TBCA: variants seen among roughly 807,000 people sequenced by gnomAD.
TBCA encodes the protein tubulin folding cofactor A, also known as tubulin-specific chaperone A.
In TBCA, 6 loss-of-function variants were observed where a neutral mutation model predicts 15.8. The observed-to-expected ratio is 0.38, with a 90% CI of 0.21 to 0.75. The LOEUF is 0.75. TBCA is among the 30% of genes least tolerant of loss of function. The pLI, the probability that TBCA is intolerant of heterozygous loss-of-function variation, is 0.46. For synonymous variants in TBCA, 32 were observed against 42.3 expected (o/e 0.76, Z 0.94); for missense variants, 90 against 131.2 (o/e 0.69, Z 1.53).
At chr5:77,752,635 T>C (rs1747376251) in intron 1 of TBCA, among the ~76,000 whole-genome samples, 1 of 79,658 alleles carries the variant, frequency 1.3e-5, no homozygotes. Context: ...CTCGGCTCAC[T>C]GCAAGCTCCG....
chr5:77,754,342 C>A (rs970753292), intron 1 of TBCA, among the ~76,000 whole-genome samples: 4 of 152,106 alleles, frequency 2.6e-5, no homozygotes, highest in African/African-American at 9.7e-5. Flanking sequence ...TTTAAATAAG[C>A]TTTGAATTAG....
chr5:77,754,430 C>A (rs13160313), intron 1 of TBCA, among the ~76,000 whole-genome samples: 12,181 of 152,084 alleles, frequency 0.08, 642 homozygotes, highest in Middle Eastern at 0.12. Context: ...TGAAAAATAT[C>A]CAGACATTTA....
intron 1 of TBCA, among the ~76,000 whole-genome samples, chr5:77,742,013 C>T (rs1004071154): frequency 9.9e-5 from 15 of 152,182 alleles, no homozygotes; most frequent in African/African-American, 3.4e-4. Flanking sequence ...TATGTTTTAT[C>T]ACTCTTAAGG....
At chr5:77,744,054 T>C (rs1747110633) in intron 1 of TBCA, among the ~76,000 whole-genome samples, 1 of 152,086 alleles carries the variant, frequency 6.6e-6, no homozygotes, top group South Asian at 2.1e-4. Context: ...ACTTCCCAAC[T>C]CCACGGACCC....
intron 1 of TBCA, among the ~76,000 whole-genome samples, chr5:77,709,834 A>G (rs776151641): frequency 1.3e-4 from 20 of 152,232 alleles, no homozygotes; most frequent in Non-Finnish European, 2.9e-4. Context: ...AATAAAAAAC[A>G]TAAAGTGCTG....
intron 1 of TBCA, among the ~76,000 whole-genome samples, chr5:77,711,978 A>C (rs965211747): frequency 6.6e-6 from 1 of 152,208 alleles, no homozygotes; most frequent in African/African-American, 2.4e-5. Flanking sequence ...AAAAGAAAAA[A>C]AAAAAATCAG....
intron 1 of TBCA, among the ~76,000 whole-genome samples, chr5:77,758,516 G>A (rs569841394): frequency 1.3e-5 from 2 of 152,290 alleles, no homozygotes; most frequent in African/African-American, 4.8e-5. Flanking sequence ...CGGAGAGCTC[G>A]GATTTTAAGA....
At chr5:77,743,322 G>C (rs1280768650) in intron 1 of TBCA, among the ~76,000 whole-genome samples, 1 of 152,200 alleles carries the variant, frequency 6.6e-6, no homozygotes, top group African/African-American at 2.4e-5. Flanking sequence ...TAATCTGTAT[G>C]TTAGCCAGTC....
chr5:77,747,992 A>G (rs1747228779), intron 1 of TBCA, among the ~76,000 whole-genome samples: 1 of 152,222 alleles, frequency 6.6e-6, no homozygotes, highest in Admixed American at 6.5e-5. Flanking sequence ...CTCAGAAACT[A>G]AAGCAATTCA....
At chr5:77,759,978 GCAAT>G (rs1747570180) in intron 1 of TBCA, among the ~76,000 whole-genome samples, 1 of 152,164 alleles carries the variant, frequency 6.6e-6, no homozygotes, top group Non-Finnish European at 1.5e-5. Context: ...TAGAACAGAA[GCAAT>G]GTCAGAGTTT....
intron 1 of TBCA, among the ~76,000 whole-genome samples, chr5:77,751,134 C>T (rs71632940): frequency 0.11 from 15,924 of 148,650 alleles, 932 homozygotes; most frequent in Middle Eastern, 0.13. Context: ...GTTCCCATTA[C>T]GGCCTGACCA....
intron 1 of TBCA, among the ~76,000 whole-genome samples, chr5:77,748,907 T>C (rs534306665): frequency 3.3e-4 from 50 of 152,326 alleles, no homozygotes; most frequent in African/African-American, 8.9e-4. Flanking sequence ...ATTTACAGTA[T>C]TGTACTGTGT....
intron 1 of TBCA, among the ~76,000 whole-genome samples, chr5:77,773,657 G>A (rs1410609662): frequency 6.6e-6 from 1 of 152,128 alleles, no homozygotes; most frequent in Non-Finnish European, 1.5e-5. Context: ...TTATTGCCTT[G>A]GCAATAAAGC....
At chr5:77,703,413 A>G (rs352557) in intron 2 of TBCA, among the ~76,000 whole-genome samples, 57,825 of 152,026 alleles carry the variant, frequency 0.38, 11,035 homozygotes, top group South Asian at 0.41. Flanking sequence ...GGAGAAGAAG[A>G]GAGATATCAG....
At chr5:77,772,241 G>A (rs1309088791) in intron 1 of TBCA, among the ~76,000 whole-genome samples, 1 of 152,086 alleles carries the variant, frequency 6.6e-6, no homozygotes, top group African/African-American at 2.4e-5. Flanking sequence ...CTTATGTACA[G>A]AAAAATATAA....
intron 1 of TBCA, among the ~76,000 whole-genome samples, chr5:77,712,424 C>T (rs1452575605): frequency 6.6e-6 from 1 of 152,064 alleles, no homozygotes; most frequent in Non-Finnish European, 1.5e-5. Flanking sequence ...TTTGTTGAAT[C>T]AACAAATTAG....
intron 1 of TBCA, among the ~76,000 whole-genome samples, chr5:77,771,871 A>G (rs564241309): frequency 6.6e-6 from 1 of 152,344 alleles, no homozygotes; most frequent in East Asian, 1.9e-4. Flanking sequence ...CTCTAGGACA[A>G]ATACCTAGAA....
intron 1 of TBCA, among the ~76,000 whole-genome samples, chr5:77,772,206 C>A (rs71632942): frequency 0.08 from 12,169 of 151,962 alleles, 640 homozygotes; most frequent in Middle Eastern, 0.12. Context: ...TCTTTTAGAC[C>A]CTTTTTATCA....
chr5:77,740,947 A>C (rs1747017339), intron 1 of TBCA, among the ~76,000 whole-genome samples: 3 of 152,210 alleles, frequency 2.0e-5, no homozygotes, highest in African/African-American at 7.2e-5. Context: ...AATAACAGAG[A>C]AAAGAGTCAA....
Sources: gnomAD v4.1 joint callset for allele counts (sites outside exome capture counted in the v4.1 genomes callset) on GRCh38, gnomAD v4.1.1 for gene constraint, MANE v1.5 for transcripts, NCBI Gene and HGNC (gene_info 2026-07-23, HGNC 2026-07-21) for gene names.